Variants in THNSL1 observed in about 807,000 individuals in gnomAD.
The protein encoded by THNSL1 is threonine synthase like 1, also known as threonine synthase-like 1.
A neutral mutation model predicts 50.4 loss-of-function variants in THNSL1; 48 were observed. The observed-to-expected ratio is 0.95, with a 90% CI of 0.76 to 1.21. The LOEUF (loss-of-function observed/expected upper bound fraction) is 1.21. THNSL1 is among the 50% of genes most tolerant of loss of function. THNSL1 has a pLI of 0.00. For missense variants in THNSL1, 896 were observed against 871.7 expected (o/e 1.03, Z -0.35); for synonymous variants, 309 against 306.1 (o/e 1.01, Z -0.10).
At chr10:24,997,563 A>T in the THNSL1 span, among the ~76,000 whole-genome samples, 82 of 151,680 alleles carry the variant, frequency 5.4e-4, 1 homozygote, top group African/African-American at 1.6e-3. Flanking sequence ...ATTAAAAAAA[A>T]TTTTTTATAG....
chr10:24,973,962 C>T, the THNSL1 span, among the ~76,000 whole-genome samples: 1 of 152,142 alleles, frequency 6.6e-6, no homozygotes, highest in Non-Finnish European at 1.5e-5. Context: ...CCATTTTCGC[C>T]AGGCTGGACT....
At chr10:25,020,250 C>CTATATA (rs1554772141) in intron 1 of THNSL1, among the ~76,000 whole-genome samples, 6 of 133,756 alleles carry the variant, frequency 4.5e-5, no homozygotes, top group Admixed American at 2.5e-4. Flanking sequence ...ATATCTATAT[C>CTATATA]TATATCTATA....
chr10:25,024,504 T>G lies in THNSL1; in HGVS notation c.1281T>G (p.Asn427Lys). ...KAQIIGSQRE[N>K]GWAVGVESDF... ...AAATAATTGGCAGTCAGAGAGAAAA[T>G]GGATGGGCAGTGGGTGTTGAGTCAG... The change falls in exon 3 of 3, where the codon AAT becomes AAG. Residue 427 changes from asparagine (N) to lysine (K), a missense_variant. Coordinates refer to ENST00000376356, the MANE Select transcript of THNSL1 (RefSeq NM_024838.5). 6.2e-7 allele frequency: 1 copy of G among 1,614,076 alleles called. No individual in the cohort carries two copies.
At chr10:25,009,836 A>G in the THNSL1 span, among the ~76,000 whole-genome samples, 1 of 152,118 alleles carries the variant, frequency 6.6e-6, no homozygotes, top group African/African-American at 2.4e-5. Flanking sequence ...GTAAGATGTG[A>G]CTTTGTTCCT....
chr10:24,994,765 C>T, the THNSL1 span, among the ~76,000 whole-genome samples: 3 of 152,002 alleles, frequency 2.0e-5, no homozygotes, highest in African/African-American at 7.3e-5. Context: ...CTTATGTCTG[C>T]AATCCCAGCA....
chr10:24,974,081 TA>T, the THNSL1 span, among the ~76,000 whole-genome samples: 4 of 151,796 alleles, frequency 2.6e-5, no homozygotes, highest in East Asian at 3.9e-4. Flanking sequence ...TACAGACATG[TA>T]AAAAAAATTG....
the THNSL1 span, among the ~76,000 whole-genome samples, chr10:24,998,270 T>G: frequency 3.9e-5 from 6 of 152,190 alleles, no homozygotes; most frequent in East Asian, 9.7e-4. Flanking sequence ...CAGACTCGTT[T>G]CTTTTTTCTT....
At chr10:25,000,332 A>G in the THNSL1 span, among the ~76,000 whole-genome samples, 1 of 152,186 alleles carries the variant, frequency 6.6e-6, no homozygotes, top group Non-Finnish European at 1.5e-5. Flanking sequence ...AATGACAACT[A>G]GGTCAAACTG....
At chr10:24,988,632 C>T in the THNSL1 span, among the ~76,000 whole-genome samples, 1 of 90,890 alleles carries the variant, frequency 1.1e-5, no homozygotes. Flanking sequence ...AGATCTTTAG[C>T]TGGCCTGAAA....
the THNSL1 span, chr10:24,984,098 T>C: frequency 7.4e-5 from 28 of 377,074 alleles, 1 homozygote; most frequent in African/African-American, 5.6e-4. Context: ...TCCTCAATGA[T>C]GCCTTTATAA....
At chr10:25,018,686 G>T (rs1850660273) in intron 1 of THNSL1, among the ~76,000 whole-genome samples, 1 of 142,674 alleles carries the variant, frequency 7.0e-6, no homozygotes, top group Non-Finnish European at 1.5e-5. Flanking sequence ...TTTTGCGAAG[G>T]ATTATTTTAA....
the THNSL1 span, among the ~76,000 whole-genome samples, chr10:25,008,870 C>T: frequency 5.0e-3 from 748 of 148,586 alleles, 6 homozygotes; most frequent in African/African-American, 0.017. Flanking sequence ...TGTCCAACAA[C>T]GATAGACTGG....
the THNSL1 span, among the ~76,000 whole-genome samples, chr10:24,989,927 A>G: frequency 6.7e-6 from 1 of 148,960 alleles, no homozygotes; most frequent in East Asian, 1.9e-4. Context: ...GCCCTGCATT[A>G]AAAAATCCAA....
chr10:24,994,901 A>G, the THNSL1 span, among the ~76,000 whole-genome samples: 1 of 152,072 alleles, frequency 6.6e-6, no homozygotes, highest in Non-Finnish European at 1.5e-5. Context: ...GCATGCCTGT[A>G]ATTCCAGCTA....
chr10:24,990,474 C>T, the THNSL1 span: 1 of 1,611,964 alleles, frequency 6.2e-7, no homozygotes, highest in Non-Finnish European at 8.5e-7. Flanking sequence ...TGCAAAACTG[C>T]CTCCCTTTCT....
chr10:24,987,149 G>A, the THNSL1 span, among the ~76,000 whole-genome samples: 2,606 of 152,224 alleles, frequency 0.017, 98 homozygotes, highest in African/African-American at 0.057. Context: ...CTAGACATGG[G>A]TTCTAGCTGC....
chr10:25,023,292 T>C lies in THNSL1; in HGVS notation c.69T>C (p.Val23=), dbSNP rs1314138384. ...AGAAATGTTTTTCTAGTATACATGTTAAAACGGATAAACATGCACAGCGAT... is the reference window on the plus strand; with the variant it reads ...AGAAATGTTTTTCTAGTATACATGTCAAAACGGATAAACATGCACAGCGAT... ...ITQKCFSSIH[V]KTDKHAQRFL... The change falls in exon 3 of 3, where the codon GTT becomes GTC. Residue 23 remains valine, a synonymous_variant. Coordinates refer to ENST00000376356, the MANE Select transcript of THNSL1 (RefSeq NM_024838.5). 1.9e-6 allele frequency: 3 copies of C among 1,614,022 alleles called. No homozygotes were observed.
At chr10:25,018,748 G>T (rs1001964656) in intron 1 of THNSL1, among the ~76,000 whole-genome samples, 1 of 142,752 alleles carries the variant, frequency 7.0e-6, no homozygotes, top group Non-Finnish European at 1.5e-5. Flanking sequence ...ACAATTGGAA[G>T]GTAAATAAAC....
chr10:24,968,502 G>A, the THNSL1 span, among the ~76,000 whole-genome samples: 3 of 152,168 alleles, frequency 2.0e-5, no homozygotes, highest in South Asian at 2.1e-4. Flanking sequence ...AGCATCCTTC[G>A]TTGTCTAAGA....
Sources: allele counts gnomAD v4.1 joint callset (sites outside exome capture counted in the v4.1 genomes callset), GRCh38; gene constraint gnomAD v4.1.1; transcripts MANE v1.5; gene names NCBI Gene and HGNC (gene_info 2026-07-23, HGNC 2026-07-21).